ERI3: variants seen among roughly 807,000 people sequenced by gnomAD.
The protein encoded by ERI3 is ERI1 exoribonuclease family member 3.
ERI3 carries 18 observed loss-of-function variants against 44.4 expected under a neutral mutation model. The observed-to-expected ratio is 0.41, with a 90% CI of 0.28 to 0.60. The LOEUF is 0.60. Among genes scored for constraint, ERI3 ranks in the 20% least tolerant of loss-of-function variants. The probability of loss-of-function intolerance (pLI) is 0.36; values close to 1 mark genes in which losing one functional copy is unlikely to be tolerated. For missense variants in ERI3, 294 were observed against 435.5 expected (o/e 0.68, Z 2.89); for synonymous variants, 183 against 164.8 (o/e 1.11, Z -0.84).
intron 7 of ERI3, among the ~76,000 whole-genome samples, chr1:44,277,908 T>C (rs900500034): frequency 1.3e-5 from 2 of 152,186 alleles, no homozygotes; most frequent in African/African-American, 2.4e-5. Flanking sequence ...TGTAGGTACA[T>C]AACCATAGCG....
At chr1:44,247,284 G>C (rs542254773) in intron 8 of ERI3, among the ~76,000 whole-genome samples, 14 of 152,184 alleles carry the variant, frequency 9.2e-5, no homozygotes, top group African/African-American at 3.1e-4. Context: ...TATTCATACT[G>C]ATAGATCAGA....
Position 44,339,031 on chromosome 1 carries a change from G to C in ERI3, c.489+14C>G. On this transcript the variant is annotated intron_variant, in intron 3 of 8. Coordinates refer to ENST00000372257, the MANE Select transcript of ERI3 (RefSeq NM_024066.3). ...CCCCCCCCACCTTTTCTAAAGCAAT[G>C]ATGGAACAGTTACCTGAGGATGAAT... is the stretch of plus-strand genomic sequence containing the variant. 1 of 1,607,210 alleles carries C rather than the reference G, an allele frequency of 6.2e-7. No homozygotes were observed. Among genetic ancestry groups the C allele is most frequent in the African/African-American group, 1.3e-5 (1 of 74,824 alleles).
chr1:44,246,241 T>C (rs1006601799), intron 8 of ERI3, among the ~76,000 whole-genome samples: 5 of 152,214 alleles, frequency 3.3e-5, no homozygotes, highest in Non-Finnish European at 7.3e-5. Flanking sequence ...CTCAACACAC[T>C]GGGTTTCTCA....
chr1:44,275,849 C>T (rs1233791456), intron 7 of ERI3, among the ~76,000 whole-genome samples: 1 of 152,092 alleles, frequency 6.6e-6, no homozygotes, highest in Non-Finnish European at 1.5e-5. Flanking sequence ...CCCCAGAAGC[C>T]CACCTCCCTC....
At chr1:44,277,990 A>G (rs754567815) in intron 7 of ERI3, among the ~76,000 whole-genome samples, 10 of 152,268 alleles carry the variant, frequency 6.6e-5, no homozygotes, top group Non-Finnish European at 1.5e-4. Context: ...TAGCAGCCGC[A>G]CTAAAAAGTA....
intron 2 of ERI3, among the ~76,000 whole-genome samples, chr1:44,342,098 T>G (rs538458968): frequency 5.3e-5 from 8 of 151,910 alleles, no homozygotes; most frequent in Non-Finnish European, 7.4e-5. Flanking sequence ...AGCCATTAGG[T>G]GCAGCAGAAG....
In ERI3 at chr1:44,352,905, G is replaced by A. The variant is rs376914053; in HGVS notation, c.156C>T (p.Leu52=). The change falls in exon 2 of 9, where the codon CTC becomes CTT. Residue 52 remains leucine, a synonymous_variant. Transcript: ENST00000372257. ...CAGCTGGGGATGCTGAAGGTTCTGT[G>A]AGAGCTGGAAAGCCCCAATGCTGTG... is the stretch of plus-strand genomic sequence containing the variant. ...QHPGHWGFPA[L]TEPSASPAAG... is the part of the protein sequence containing the mutation. 54 of 1,614,014 alleles carry A rather than the reference G, an allele frequency of 3.3e-5. No homozygotes were observed. The highest frequency in any genetic ancestry group is 4.4e-5 in the Non-Finnish European group (52 of 1,180,038).
At chr1:44,310,963 G>GCACACACACACA (rs58344074) in intron 5 of ERI3, among the ~76,000 whole-genome samples, 3 of 123,202 alleles carry the variant, frequency 2.4e-5, no homozygotes, top group Non-Finnish European at 3.4e-5. Flanking sequence ...GCGCGCGCGC[G>GCACACACACACA]CACACACACA....
chr1:44,312,361 C>T (rs1049437371), intron 5 of ERI3, among the ~76,000 whole-genome samples: 2 of 152,112 alleles, frequency 1.3e-5, no homozygotes, highest in African/African-American at 2.4e-5. Context: ...TCTCCCCTCC[C>T]CCTATAGAGA....
intron 7 of ERI3, among the ~76,000 whole-genome samples, chr1:44,250,460 G>A (rs953266995): frequency 6.6e-6 from 1 of 152,216 alleles, no homozygotes; most frequent in Non-Finnish European, 1.5e-5. Flanking sequence ...GTGAAAGGGG[G>A]ACGGAGGACA....
chr1:44,342,858 T>TATAAATATATATATATATA (rs1408660607), intron 2 of ERI3, among the ~76,000 whole-genome samples: 1 of 11,374 alleles, frequency 8.8e-5, no homozygotes, highest in Admixed American at 1.5e-3. Flanking sequence ...TATATATATA[T>TATAAATATATATATATATA]TTTTTTTTTT....
Position 44,310,443 on chromosome 1 carries a change from TAGGATCTACTCAAG to T in ERI3, c.667-2056_667-2043del, listed in dbSNP as rs538306931. Among the ~76,000 whole-genome samples the T allele has an allele frequency of 1.7e-3, 254 of 152,304 alleles. 1 individual carries two copies. Among genetic ancestry groups the T allele is most frequent in the African/African-American group, 5.9e-3 (244 of 41,562 alleles). The stretch of plus-strand genomic sequence containing the variant: ...CACTGCCTTAATCTCTCATTCAGCA[TAGGATCTACTCAAG>T]AGATATTTGCTGACTGACTGAAAAC... On this transcript the variant is annotated intron_variant, in intron 5 of 8. Coordinates refer to ENST00000372257, the MANE Select transcript of ERI3 (RefSeq NM_024066.3).
At chr1:44,231,145 C>CA (rs1466110210) in intron 8 of ERI3, among the ~76,000 whole-genome samples, 8 of 152,090 alleles carry the variant, frequency 5.3e-5, no homozygotes, top group Admixed American at 5.2e-4. Context: ...GTGCATAAAA[C>CA]AAAGTTTTGA....
chr1:44,325,457 A>C (rs1239986502), intron 3 of ERI3, among the ~76,000 whole-genome samples: 1 of 152,184 alleles, frequency 6.6e-6, no homozygotes, highest in Non-Finnish European at 1.5e-5. Flanking sequence ...CAGCATTTCA[A>C]ATGAAATTTC....
At chr1:44,333,125 G>C (rs1646465229) in intron 3 of ERI3, among the ~76,000 whole-genome samples, 1 of 152,114 alleles carries the variant, frequency 6.6e-6, no homozygotes, top group Non-Finnish European at 1.5e-5. Context: ...CTCTGCTTAT[G>C]GTGTTAACTT....
intron 7 of ERI3, among the ~76,000 whole-genome samples, chr1:44,276,537 C>A (rs542515942): frequency 1.3e-5 from 2 of 152,330 alleles, no homozygotes; most frequent in African/African-American, 4.8e-5. Context: ...CAGCTACCCA[C>A]TTCCATGGCC....
intron 8 of ERI3, among the ~76,000 whole-genome samples, chr1:44,246,431 TTGGAAAACATC>T (rs1644556087): frequency 6.6e-6 from 1 of 152,232 alleles, no homozygotes; most frequent in Non-Finnish European, 1.5e-5. Context: ...TCTAGATTGT[TTGGAAAACATC>T]TGTGAAACAT....
At chr1:44,238,859 C>T (rs1187533685) in intron 8 of ERI3, among the ~76,000 whole-genome samples, 1 of 152,100 alleles carries the variant, frequency 6.6e-6, no homozygotes, top group Non-Finnish European at 1.5e-5. Context: ...CTCCCCTGCT[C>T]ACTTAGCCCT....
At chr1:44,306,141 G>C (rs984833536) in intron 6 of ERI3, among the ~76,000 whole-genome samples, 4 of 152,170 alleles carry the variant, frequency 2.6e-5, no homozygotes, top group Admixed American at 6.5e-5. Flanking sequence ...GCTTATAAGA[G>C]GCAGCCACAG....
Sources: allele counts gnomAD v4.1 joint callset (sites outside exome capture counted in the v4.1 genomes callset), GRCh38; gene constraint gnomAD v4.1.1; transcripts MANE v1.5; gene names NCBI Gene and HGNC (gene_info 2026-07-23, HGNC 2026-07-21).